The following PRKCA variants were observed in gnomAD, a reference collection of about 807,000 sequenced individuals.
The protein encoded by PRKCA is protein kinase C alpha type.
In PRKCA, 27 loss-of-function variants were observed where a neutral mutation model predicts 87.0. That is an observed-to-expected ratio of 0.31 (90% CI 0.23 to 0.43). The LOEUF (loss-of-function observed/expected upper bound fraction) is 0.43, where lower values mean the gene tolerates loss of function less well. Among genes scored for constraint, PRKCA ranks in the 20% least tolerant of loss-of-function variants. PRKCA has a pLI of 1.00. For missense variants in PRKCA, 518 were observed against 852.3 expected, an observed-to-expected ratio of 0.61 and a Z score of 4.88; for synonymous variants, 329 against 311.1, an observed-to-expected ratio of 1.06 and a Z score of -0.61.
chr17:66,376,724 A>G (rs1775180547), intron 2 of PRKCA, among the ~76,000 whole-genome samples: 1 of 152,064 alleles, frequency 6.6e-6, no homozygotes, highest in Non-Finnish European at 1.5e-5. Flanking sequence ...GTACCAGTTC[A>G]GGATATGCAT....
chr17:66,786,234 A>C (rs1013566421), intron 14 of PRKCA, among the ~76,000 whole-genome samples: 3 of 152,206 alleles, frequency 2.0e-5, no homozygotes, highest in Admixed American at 2.0e-4. Context: ...TAAAGCCACA[A>C]GGTCCCACGG....
At chr17:66,650,547 A>G (rs1352601270) in intron 5 of PRKCA, among the ~76,000 whole-genome samples, 1 of 152,178 alleles carries the variant, frequency 6.6e-6, no homozygotes, top group African/African-American at 2.4e-5. Flanking sequence ...TCTCCCACAG[A>G]TAGATTATTC....
intron 2 of PRKCA, among the ~76,000 whole-genome samples, chr17:66,441,832 A>G (rs1334167923): frequency 6.6e-6 from 1 of 152,108 alleles, no homozygotes; most frequent in Non-Finnish European, 1.5e-5. Flanking sequence ...ATGTATATTT[A>G]TACCATAATA....
In PRKCA at chr17:66,804,080, C is replaced by A. The variant is rs1598021530; in HGVS notation, c.*43C>A. ...AAACACCTCCCCAGCCCCCAGCCCT[C>A]CCCGCAGTGGGAAGTGAATCCTTAA... is the stretch of plus-strand genomic sequence containing the variant. On this transcript the variant is annotated 3_prime_UTR_variant, in exon 17 of 17. Transcript: ENST00000413366. 6.3e-7 allele frequency: 1 copy of A among 1,578,752 alleles called. No homozygotes were observed. Among genetic ancestry groups the A allele is most frequent in the African/African-American group, 1.3e-5 (1 of 74,192 alleles).
intron 3 of PRKCA, among the ~76,000 whole-genome samples, chr17:66,548,623 G>T (rs563306956): frequency 9.2e-5 from 14 of 152,050 alleles, no homozygotes; most frequent in Middle Eastern, 3.4e-3. Flanking sequence ...TGTAAATATT[G>T]CCTTATTTGG....
At chr17:66,572,432 A>G (rs1037053844) in intron 3 of PRKCA, among the ~76,000 whole-genome samples, 1 of 152,034 alleles carries the variant, frequency 6.6e-6, no homozygotes, top group East Asian at 1.9e-4. Flanking sequence ...GCACCATGAC[A>G]CTCCAGTCTG....
At chr17:66,691,426 C>T (rs1348555687) in intron 8 of PRKCA, among the ~76,000 whole-genome samples, 2 of 152,056 alleles carry the variant, frequency 1.3e-5, no homozygotes, top group Non-Finnish European at 1.5e-5. Context: ...AATTCAAGTA[C>T]AAAGATGAAA....
At chr17:66,394,470 CTCA>C (rs1473665244) in intron 2 of PRKCA, among the ~76,000 whole-genome samples, 19 of 152,204 alleles carry the variant, frequency 1.2e-4, no homozygotes, top group African/African-American at 4.3e-4. Flanking sequence ...ATAATCTTCA[CTCA>C]TCATTTATTC....
Position 66,662,667 on chromosome 17 carries a change from G to T in PRKCA, c.529+17156G>T, listed in dbSNP as rs116669940. Among the ~76,000 whole-genome samples the T allele has an allele frequency of 4.9e-3, 740 of 151,670 alleles. 6 individuals are homozygous for T. Among genetic ancestry groups the T allele is most frequent in the African/African-American group, 0.017 (695 of 41,346 alleles). ...TTCTTGTTTGATTTTGTTTTGGTTT[G>T]ATTTTGATTGTGGTCGAGATAAGAG... On this transcript the variant is annotated intron_variant, in intron 5 of 16. Coordinates refer to ENST00000413366, the MANE Select transcript of PRKCA (RefSeq NM_002737.3).
At chr17:66,576,100 C>G (rs1008629670) in intron 3 of PRKCA, among the ~76,000 whole-genome samples, 6 of 152,054 alleles carry the variant, frequency 3.9e-5, no homozygotes, top group African/African-American at 1.2e-4. Flanking sequence ...GGCGACACAC[C>G]CAGACTCCAT....
In PRKCA at chr17:66,406,387, G is replaced by A. The variant is rs143705295; in HGVS notation, c.206-89814G>A. ...AAAAGATCCCCATTGTACAGATGCTGACAACATTCCATGAACAAAAGGCTT... is the reference window on the plus strand; with the variant it reads ...AAAAGATCCCCATTGTACAGATGCTAACAACATTCCATGAACAAAAGGCTT... On this transcript the variant is annotated intron_variant, in intron 2 of 16. Transcript: ENST00000413366. Among the ~76,000 whole-genome samples, 9 of 152,236 alleles carry A rather than the reference G, an allele frequency of 5.9e-5. No individual in the cohort carries two copies. The East Asian group carries it at 1.7e-3, about 29-fold the overall frequency.
intron 3 of PRKCA, among the ~76,000 whole-genome samples, chr17:66,585,999 A>T (rs1969584360): frequency 6.6e-6 from 1 of 152,230 alleles, no homozygotes; most frequent in African/African-American, 2.4e-5. Flanking sequence ...GTGAATCCAG[A>T]TAAATGGGGA....
At chr17:66,603,975 C>T (rs1380624039) in intron 3 of PRKCA, among the ~76,000 whole-genome samples, 3 of 152,128 alleles carry the variant, frequency 2.0e-5, no homozygotes, top group Non-Finnish European at 4.4e-5. Context: ...AATAGTATCT[C>T]GCTGTATGGA....
intron 2 of PRKCA, among the ~76,000 whole-genome samples, chr17:66,451,410 A>G (rs757663101): frequency 4.0e-5 from 6 of 151,592 alleles, no homozygotes; most frequent in African/African-American, 7.3e-5. Flanking sequence ...TCAGTGGAAG[A>G]TGCTTTTTGA....
chr17:66,616,762 TTCC>T (rs1970527628), intron 3 of PRKCA, among the ~76,000 whole-genome samples: 1 of 152,166 alleles, frequency 6.6e-6, no homozygotes, highest in African/African-American at 2.4e-5. Flanking sequence ...TAAGCCTTTG[TTCC>T]AGAGGAATCC....
intron 2 of PRKCA, among the ~76,000 whole-genome samples, chr17:66,334,089 A>G (rs1906515580): frequency 6.6e-6 from 1 of 152,104 alleles, no homozygotes; most frequent in South Asian, 2.1e-4. Context: ...CATCTCTACT[A>G]AATATACAAA....
chr17:66,567,920 T>C (rs547587470), intron 3 of PRKCA, among the ~76,000 whole-genome samples: 1 of 152,322 alleles, frequency 6.6e-6, no homozygotes, highest in South Asian at 2.1e-4. Context: ...AGAGAGATAA[T>C]GTACAATATT....
chr17:66,482,114 AAAAG>A lies in PRKCA; in HGVS notation c.206-14083_206-14080del, dbSNP rs1236460021. Among the ~76,000 whole-genome samples, 16 of 150,610 alleles carry A rather than the reference AAAAG, an allele frequency of 1.1e-4. No individual in the cohort carries two copies. In the East Asian group the frequency reaches 2.7e-3, roughly 26 times the overall value. On this transcript the variant is annotated intron_variant, in intron 2 of 16. Transcript: ENST00000413366. ...AGACTGTCTCAAAAAAAAAAAAAAA[AAAAG>A]AAAAAAAGAAAAAAAAGAAAGTGGA...
intron 5 of PRKCA, among the ~76,000 whole-genome samples, chr17:66,670,517 A>T (rs568157991): frequency 4.0e-4 from 61 of 152,270 alleles, no homozygotes; most frequent in African/African-American, 1.4e-3. Context: ...TAGGATAAAA[A>T]ATGTTTTGGG....
Sources: allele counts gnomAD v4.1 joint callset (sites outside exome capture counted in the v4.1 genomes callset), GRCh38; gene constraint gnomAD v4.1.1; transcripts MANE v1.5; gene names NCBI Gene and HGNC (gene_info 2026-07-23, HGNC 2026-07-21).